The following SPIDR variants were observed in gnomAD, a reference collection of about 807,000 sequenced individuals.
SPIDR encodes scaffold protein involved in DNA repair.
SPIDR carries 93 observed loss-of-function variants against 104.6 expected under a neutral mutation model. The ratio of observed to expected loss-of-function variants is 0.89; its 90% CI spans 0.75 to 1.06. The LOEUF (loss-of-function observed/expected upper bound fraction) is 1.06, where lower values mean the gene tolerates loss of function less well. SPIDR is among the 50% of genes least tolerant of loss of function. The probability of loss-of-function intolerance (pLI) is 0.00; values close to 1 mark genes in which losing one functional copy is unlikely to be tolerated. For missense variants in SPIDR, 1,154 were observed against 1,111.2 expected (o/e 1.04, Z -0.55); for synonymous variants, 431 against 416.9 (o/e 1.03, Z -0.41).
At chr8:47,622,951 T>C (rs538429504) in intron 10 of SPIDR, among the ~76,000 whole-genome samples, 62 of 152,252 alleles carry the variant, frequency 4.1e-4, no homozygotes, top group Non-Finnish European at 7.5e-4. Context: ...CCATGTTCTT[T>C]TTGCCACTAA....
At chr8:47,315,412 A>G (rs2045139921) in intron 5 of SPIDR, among the ~76,000 whole-genome samples, 1 of 152,150 alleles carries the variant, frequency 6.6e-6, no homozygotes, top group Non-Finnish European at 1.5e-5. Context: ...TAGCAATAAG[A>G]TATTCAGGAA....
chr8:47,281,212 G>A (rs1047239994), intron 2 of SPIDR, among the ~76,000 whole-genome samples: 36 of 152,220 alleles, frequency 2.4e-4, no homozygotes, highest in Admixed American at 1.3e-4. Flanking sequence ...CCTTCACCAA[G>A]GTATAATCTT....
Position 47,431,395 on chromosome 8 carries a change from T to C in SPIDR, c.878-8928T>C, listed in dbSNP as rs560028829. ...CTGTAACACACCCCTGTTGTTTGGC[T>C]TAACTTCGCTTAGGGATCTGTTGCT... On this transcript the variant is annotated intron_variant, in intron 7 of 19. Coordinates refer to ENST00000297423, the MANE Select transcript of SPIDR (RefSeq NM_001080394.4). Among the ~76,000 whole-genome samples the C allele has an allele frequency of 2.7e-3, 407 of 152,368 alleles. 2 individuals carry two copies. The highest frequency in any genetic ancestry group is 4.6e-3 in the Non-Finnish European group (316 of 68,030).
rs2041937746 is a variant in SPIDR at position 47,300,779 on chromosome 8, G to T, written c.525+6749G>T. On this transcript the variant is annotated intron_variant, in intron 5 of 19. Transcript: ENST00000297423. ...GGTTTTGAGTGAGTTTCTTAATCCT[G>T]AGTTCTAGTTTGATTGCACTGTGGT... Among the ~76,000 whole-genome samples, 5 of 152,304 alleles carry T rather than the reference G, an allele frequency of 3.3e-5. No individual in the cohort carries two copies. In the South Asian group the frequency reaches 1.0e-3, roughly 32 times the overall value.
intron 8 of SPIDR, among the ~76,000 whole-genome samples, chr8:47,452,116 T>G (rs1235548555): frequency 2.0e-5 from 3 of 152,098 alleles, no homozygotes; most frequent in Admixed American, 2.0e-4. Context: ...CCAAGGCACA[T>G]AGTAGTGAAG....
intron 10 of SPIDR, among the ~76,000 whole-genome samples, chr8:47,657,853 G>A (rs1208037378): frequency 3.3e-5 from 5 of 151,380 alleles, no homozygotes; most frequent in Non-Finnish European, 7.4e-5. Context: ...AATATAGTGA[G>A]ACCCCATTTC....
intron 5 of SPIDR, among the ~76,000 whole-genome samples, chr8:47,354,720 C>T (rs974027369): frequency 1.2e-4 from 18 of 152,102 alleles, no homozygotes; most frequent in African/African-American, 4.3e-4. Context: ...TAGCACACTG[C>T]AGTCTTGAAT....
At chr8:47,493,042 AGTGTGTGTGTGT>A (rs60518877) in intron 8 of SPIDR, among the ~76,000 whole-genome samples, 11 of 140,618 alleles carry the variant, frequency 7.8e-5, no homozygotes, top group South Asian at 2.4e-4. Context: ...AGAGAGAGTG[AGTGTGTGTGTGT>A]GTGTGTGTGT....
At chr8:47,493,078 T>TGTGTG (rs2078994571) in intron 8 of SPIDR, among the ~76,000 whole-genome samples, 2 of 147,944 alleles carry the variant, frequency 1.4e-5, no homozygotes, top group South Asian at 2.1e-4. Context: ...TGTGTGTGTG[T>TGTGTG]TTAAATAGAA....
chr8:47,412,283 A>G (rs955503877), intron 7 of SPIDR, among the ~76,000 whole-genome samples: 6 of 152,218 alleles, frequency 3.9e-5, no homozygotes, highest in Non-Finnish European at 8.8e-5. Context: ...CTTCCTACCC[A>G]TGAGCATTTA....
At chr8:47,647,641 A>AGAGAGAGAGAGAGAGAGAGAGG (rs1563415769) in intron 10 of SPIDR, among the ~76,000 whole-genome samples, 34 of 145,004 alleles carry the variant, frequency 2.3e-4, no homozygotes, top group African/African-American at 8.7e-4. Context: ...AGAGAGAGAG[A>AGAGAGAGAGAGAGAGAGAGAGG]GAGAGAGAGA....
intron 8 of SPIDR, among the ~76,000 whole-genome samples, chr8:47,523,680 T>A (rs2154381508): frequency 6.6e-6 from 1 of 152,302 alleles, no homozygotes. Flanking sequence ...GCCTCTCTTT[T>A]CCCTGTTACA....
At chr8:47,303,038 C>G (rs1041899096) in intron 5 of SPIDR, among the ~76,000 whole-genome samples, 4 of 152,308 alleles carry the variant, frequency 2.6e-5, no homozygotes, top group Admixed American at 2.6e-4. Flanking sequence ...TGCCCTGCCC[C>G]CAGAGGTGAG....
intron 8 of SPIDR, among the ~76,000 whole-genome samples, chr8:47,480,752 T>C (rs573776937): frequency 7.2e-5 from 11 of 152,206 alleles, no homozygotes; most frequent in Non-Finnish European, 1.5e-4. Context: ...CTCCTTCCTG[T>C]CCAGATGAGC....
Position 47,487,739 on chromosome 8 carries a change from G to C in SPIDR, c.1097+47197G>C, listed in dbSNP as rs553725664. Among the ~76,000 whole-genome samples, 13 of 152,198 alleles carry C rather than the reference G, an allele frequency of 8.5e-5. No individual in the cohort carries two copies. In the South Asian group the frequency reaches 1.2e-3, roughly 15 times the overall value. ...CTCAACTACATGGAAACTGCACAAC[G>C]TGCTCCTGAATGACTACTGGGTACA... is the stretch of plus-strand genomic sequence containing the variant. On this transcript the variant is annotated intron_variant, in intron 8 of 19. Coordinates refer to ENST00000297423, the MANE Select transcript of SPIDR (RefSeq NM_001080394.4).
At chr8:47,304,474 C>T (rs955953592) in intron 5 of SPIDR, among the ~76,000 whole-genome samples, 2 of 152,048 alleles carry the variant, frequency 1.3e-5, no homozygotes, top group African/African-American at 4.8e-5. Context: ...TGAGACCGAC[C>T]TGGCCAACAT....
chr8:47,729,029 G>T lies in SPIDR; in HGVS notation c.2532G>T (p.Gln844His). The change falls in exon 18 of 20, where the codon CAG (glutamine) becomes CAT (histidine). Residue 844 changes from glutamine to histidine, a missense_variant. Gln to His is a conservative substitution (Grantham distance 24). Coordinates refer to ENST00000297423, the MANE Select transcript of SPIDR (RefSeq NM_001080394.4). ...TCCTGGACTGCCGCTCAAGACCGCA[G>T]TGCAGAGTGAAGGTCAAGGTAGGAG... ...QVFLDCRSRP[Q>H]CRVKVKLLQR... 6.2e-7 allele frequency: 1 copy of T among 1,614,004 alleles called. No individual in the cohort carries two copies. Among genetic ancestry groups the T allele is most frequent in the Non-Finnish European group, 8.5e-7 (1 of 1,180,028 alleles).
At chr8:47,377,518 A>G (rs929357381) in intron 5 of SPIDR, among the ~76,000 whole-genome samples, 7 of 152,208 alleles carry the variant, frequency 4.6e-5, no homozygotes, top group African/African-American at 7.2e-5. Context: ...TCCTCTAGCA[A>G]TGAATTATGG....
At chr8:47,630,007 A>G (rs2066809226) in intron 10 of SPIDR, among the ~76,000 whole-genome samples, 1 of 152,268 alleles carries the variant, frequency 6.6e-6, no homozygotes, top group Non-Finnish European at 1.5e-5. Context: ...TGCAGAAAAA[A>G]TGTAAAATTA....
Sources: gnomAD v4.1 joint callset for allele counts (sites outside exome capture counted in the v4.1 genomes callset) on GRCh38, gnomAD v4.1.1 for gene constraint, MANE v1.5 for transcripts, NCBI Gene and HGNC (gene_info 2026-07-23, HGNC 2026-07-21) for gene names.